Variants in ARHGAP15 observed in about 807,000 individuals in gnomAD.
The protein encoded by ARHGAP15 is rho GTPase-activating protein 15.
Under a neutral mutation model 63.7 loss-of-function variants are expected in ARHGAP15, and 51 were observed. The observed-to-expected ratio is 0.80, with a 90% CI of 0.64 to 1.01. The LOEUF (loss-of-function observed/expected upper bound fraction) is 1.01. Among genes scored for constraint, ARHGAP15 ranks in the 50% least tolerant of loss-of-function variants. The pLI is 0.00. For missense variants in ARHGAP15, 560 were observed against 564.6 expected (o/e 0.99, Z 0.08); for synonymous variants, 191 against 193.8 (o/e 0.99, Z 0.12).
intron 2 of ARHGAP15, among the ~76,000 whole-genome samples, chr2:143,176,228 T>A (rs1691004087): frequency 6.6e-6 from 1 of 152,162 alleles, no homozygotes; most frequent in African/African-American, 2.4e-5. Flanking sequence ...TGGAAAATAT[T>A]AAATGAGCAA....
At chr2:143,570,956 C>G (rs191741408) in intron 11 of ARHGAP15, among the ~76,000 whole-genome samples, 2 of 152,292 alleles carry the variant, frequency 1.3e-5, no homozygotes, top group East Asian at 3.9e-4. Flanking sequence ...TGTTAGGAAC[C>G]TGGCAGCACA....
chr2:143,594,782 T>G (rs1697448361), intron 11 of ARHGAP15, among the ~76,000 whole-genome samples: 1 of 152,188 alleles, frequency 6.6e-6, no homozygotes, highest in South Asian at 2.1e-4. Flanking sequence ...TGATTGCTGG[T>G]GGAGCAAATG....
At chr2:143,402,308 T>C (rs759006351) in intron 6 of ARHGAP15, among the ~76,000 whole-genome samples, 8 of 151,890 alleles carry the variant, frequency 5.3e-5, no homozygotes, top group Non-Finnish European at 8.8e-5. Flanking sequence ...AACTGACTTA[T>C]TCAGTCAGGC....
chr2:143,341,987 A>G (rs1256555354), intron 6 of ARHGAP15, among the ~76,000 whole-genome samples: 2 of 152,172 alleles, frequency 1.3e-5, no homozygotes, highest in South Asian at 2.1e-4. Context: ...AAAAATACAT[A>G]TAAACCCTAT....
chr2:143,699,729 C>T (rs1684001372), intron 12 of ARHGAP15, among the ~76,000 whole-genome samples: 1 of 152,160 alleles, frequency 6.6e-6, no homozygotes, highest in African/African-American at 2.4e-5. Context: ...AAATAGTATG[C>T]TAACTGCTGG....
chr2:143,702,389 A>G (rs1233125896), intron 12 of ARHGAP15, among the ~76,000 whole-genome samples: 1 of 152,164 alleles, frequency 6.6e-6, no homozygotes, highest in African/African-American at 2.4e-5. Context: ...AATGTTTATG[A>G]CCAGGAAATA....
chr2:143,219,313 C>T (rs895428987), intron 4 of ARHGAP15, among the ~76,000 whole-genome samples: 6 of 152,140 alleles, frequency 3.9e-5, no homozygotes, highest in Non-Finnish European at 8.8e-5. Context: ...TATAGCCTAG[C>T]GTGTGGTAGG....
At chr2:143,589,576 C>T (rs1178772869) in intron 11 of ARHGAP15, among the ~76,000 whole-genome samples, 1 of 152,196 alleles carries the variant, frequency 6.6e-6, no homozygotes, top group African/African-American at 2.4e-5. Flanking sequence ...GGTTGATGGA[C>T]TCTAAAGTCA....
intron 8 of ARHGAP15, among the ~76,000 whole-genome samples, chr2:143,480,576 A>C (rs1486556242): frequency 6.6e-6 from 1 of 152,186 alleles, no homozygotes. Flanking sequence ...TCCAGATTTA[A>C]TCATGATTTG....
At chr2:143,407,987 G>GGATATA (rs1553475707) in intron 6 of ARHGAP15, among the ~76,000 whole-genome samples, 1 of 77,420 alleles carries the variant, frequency 1.3e-5, no homozygotes, top group African/African-American at 4.5e-5. Flanking sequence ...TTCTGTGTGT[G>GGATATA]TATATATATA....
intron 4 of ARHGAP15, among the ~76,000 whole-genome samples, chr2:143,222,743 G>T (rs1275224806): frequency 6.6e-6 from 1 of 151,886 alleles, no homozygotes; most frequent in Non-Finnish European, 1.5e-5. Context: ...ACTTCTATTT[G>T]TCTGCTAGTT....
intron 11 of ARHGAP15, among the ~76,000 whole-genome samples, chr2:143,566,632 C>T (rs1293249730): frequency 3.9e-5 from 6 of 152,102 alleles, no homozygotes; most frequent in Non-Finnish European, 7.4e-5. Flanking sequence ...CCAACCACCA[C>T]GGCTTCCTTT....
chr2:143,568,357 A>G (rs4372823), intron 11 of ARHGAP15, among the ~76,000 whole-genome samples: 125,099 of 152,172 alleles, frequency 0.82, 51,554 homozygotes, highest in South Asian at 0.85. Flanking sequence ...GGCAAAGGAT[A>G]TGAACAGACA....
At chr2:143,742,676 G>C (rs1464368967) in intron 13 of ARHGAP15, among the ~76,000 whole-genome samples, 1 of 152,210 alleles carries the variant, frequency 6.6e-6, no homozygotes, top group Non-Finnish European at 1.5e-5. Context: ...TGATTAAAGT[G>C]ATGACTGAGG....
chr2:143,761,981 C>T (rs951793711), intron 13 of ARHGAP15, among the ~76,000 whole-genome samples: 6 of 152,098 alleles, frequency 3.9e-5, no homozygotes, highest in African/African-American at 1.4e-4. Flanking sequence ...GGAATACATA[C>T]AAAGTGCTAT....
At chr2:143,760,065 C>T (rs539487826) in intron 13 of ARHGAP15, among the ~76,000 whole-genome samples, 1 of 152,256 alleles carries the variant, frequency 6.6e-6, no homozygotes, top group East Asian at 1.9e-4. Context: ...TAAGCTTCAT[C>T]TGAGCAGGGA....
Position 143,437,037 on chromosome 2 carries a change from C to CT in ARHGAP15, c.701dup (p.Leu234PhefsTer19). On this transcript the variant is annotated frameshift_variant, in exon 8 of 14. Coordinates refer to ENST00000295095, the MANE Select transcript of ARHGAP15 (RefSeq NM_018460.4). LOFTEE classifies it high-confidence loss of function. The stretch of plus-strand genomic sequence containing the variant: ...GAACAGAAACCAGAGCACAGAAAAT[C>CT]TTTAAGTGAGTATTTTCTTTGACTT... 6.3e-7 allele frequency: 1 copy of CT among 1,594,738 alleles called. No individual in the cohort carries two copies. Among genetic ancestry groups the CT allele is most frequent in the Non-Finnish European group, 8.5e-7 (1 of 1,174,946 alleles).
chr2:143,577,224 C>T (rs1415085827), intron 11 of ARHGAP15, among the ~76,000 whole-genome samples: 2 of 152,140 alleles, frequency 1.3e-5, no homozygotes, highest in Non-Finnish European at 2.9e-5. Context: ...ACTTTGAACA[C>T]ACTCGTGTAC....
intron 2 of ARHGAP15, among the ~76,000 whole-genome samples, chr2:143,173,541 AAGAT>A (rs1690884827): frequency 6.6e-6 from 1 of 152,144 alleles, no homozygotes; most frequent in Non-Finnish European, 1.5e-5. Context: ...TAAATGTTCA[AAGAT>A]AGAATCAAAG....
Sources: allele counts gnomAD v4.1 joint callset (sites outside exome capture counted in the v4.1 genomes callset), GRCh38; gene constraint gnomAD v4.1.1; transcripts MANE v1.5; gene names NCBI Gene and HGNC (gene_info 2026-07-23, HGNC 2026-07-21).